Variants in GALNT13 observed in about 807,000 individuals in gnomAD.
GALNT13 encodes polypeptide N-acetylgalactosaminyltransferase 13.
Under a neutral mutation model 64.2 loss-of-function variants are expected in GALNT13, and 28 were observed. The ratio of observed to expected loss-of-function variants is 0.44; its 90% CI spans 0.32 to 0.60. The LOEUF is 0.60. GALNT13 is among the 20% of genes least tolerant of loss of function. The probability of loss-of-function intolerance (pLI) is 0.05; values close to 1 mark genes in which losing one functional copy is unlikely to be tolerated. For missense variants in GALNT13, 577 were observed against 669.8 expected, an observed-to-expected ratio of 0.86 and a Z score of 1.53; for synonymous variants, 214 against 224.6, an observed-to-expected ratio of 0.95 and a Z score of 0.42.
At chr2:153,500,057 A>G in the GALNT13 span, among the ~76,000 whole-genome samples, 1 of 152,222 alleles carries the variant, frequency 6.6e-6, no homozygotes, top group Admixed American at 6.5e-5. Flanking sequence ...TGGCTGCTCC[A>G]GATGGGCTGC....
chr2:153,879,368 GT>G (rs1686616729), intron 1 of GALNT13, among the ~76,000 whole-genome samples: 1 of 151,730 alleles, frequency 6.6e-6, no homozygotes, highest in Admixed American at 6.6e-5. Flanking sequence ...GTGTGTGTGT[GT>G]GTGTGTGTGT....
the GALNT13 span, among the ~76,000 whole-genome samples, chr2:153,273,158 T>C: frequency 6.6e-6 from 1 of 152,106 alleles, no homozygotes; most frequent in African/African-American, 2.4e-5. Flanking sequence ...GGGATAGCAT[T>C]AGTAGAAATA....
chr2:153,244,670 A>G, the GALNT13 span, among the ~76,000 whole-genome samples: 4 of 152,334 alleles, frequency 2.6e-5, no homozygotes, highest in Non-Finnish European at 5.9e-5. Flanking sequence ...ACTGGGTACA[A>G]AAAATACCTT....
intron 3 of GALNT13, among the ~76,000 whole-genome samples, chr2:154,090,608 G>T (rs1224553839): frequency 2.6e-5 from 4 of 151,898 alleles, no homozygotes; most frequent in Non-Finnish European, 5.9e-5. Flanking sequence ...TTCTACCACA[G>T]TCTCAGGAAC....
the GALNT13 span, among the ~76,000 whole-genome samples, chr2:153,228,919 C>G: frequency 1.3e-5 from 2 of 148,844 alleles, no homozygotes; most frequent in Admixed American, 1.3e-4. Flanking sequence ...TAATTGATTA[C>G]CTTGTATCCA....
chr2:153,163,396 C>T, the GALNT13 span, among the ~76,000 whole-genome samples: 2 of 152,200 alleles, frequency 1.3e-5, no homozygotes, highest in East Asian at 1.9e-4. Flanking sequence ...TTCAGGACTG[C>T]GTTATACTTT....
At chr2:153,745,496 G>C in the GALNT13 span, among the ~76,000 whole-genome samples, 1 of 151,990 alleles carries the variant, frequency 6.6e-6, no homozygotes. Flanking sequence ...GGTTCCTTTT[G>C]AGGTTTTTTC....
rs111487876 is a variant in GALNT13 at position 154,249,531 on chromosome 2, C to T, written c.857+3549C>T. Reference sequence around the variant, plus strand: ...AAATAATTATGAAGATATTCATTTCCACTTTAATTTCACACTGATTAAAAT... The same window carrying T: ...AAATAATTATGAAGATATTCATTTCTACTTTAATTTCACACTGATTAAAAT... On this transcript the variant is annotated intron_variant, in intron 7 of 12. Transcript: ENST00000392825. Among the ~76,000 whole-genome samples, 510 of 152,226 alleles carry T rather than the reference C, an allele frequency of 3.4e-3. 1 individual carries two copies. The highest frequency in any genetic ancestry group is 5.6e-3 in the Non-Finnish European group (381 of 68,004).
chr2:153,330,755 C>T, the GALNT13 span, among the ~76,000 whole-genome samples: 3 of 152,122 alleles, frequency 2.0e-5, no homozygotes, highest in Admixed American at 6.5e-5. Context: ...ATTTCCCATT[C>T]GTATGCCTTT....
At chr2:153,856,726 A>T in the GALNT13 span, among the ~76,000 whole-genome samples, 1 of 152,116 alleles carries the variant, frequency 6.6e-6, no homozygotes. Flanking sequence ...TTTCTAATGA[A>T]GTTGATTTAT....
the GALNT13 span, among the ~76,000 whole-genome samples, chr2:153,202,186 T>C: frequency 1.3e-5 from 2 of 151,744 alleles, no homozygotes; most frequent in Admixed American, 1.3e-4. Context: ...GGGTTTCACC[T>C]TGTTAGCCAG....
the GALNT13 span, among the ~76,000 whole-genome samples, chr2:153,400,880 C>A: frequency 6.6e-6 from 1 of 152,012 alleles, no homozygotes; most frequent in African/African-American, 2.4e-5. Context: ...AAACCAGCTC[C>A]TGGATTCATT....
At chr2:154,121,247 T>G (rs1456735017) in intron 3 of GALNT13, among the ~76,000 whole-genome samples, 2 of 152,220 alleles carry the variant, frequency 1.3e-5, no homozygotes, top group Admixed American at 1.3e-4. Flanking sequence ...TGTGGAAAGT[T>G]GCTAGGTGAA....
chr2:153,878,274 A>G (rs1184105948), intron 1 of GALNT13, among the ~76,000 whole-genome samples: 1 of 152,102 alleles, frequency 6.6e-6, no homozygotes, highest in African/African-American at 2.4e-5. Context: ...TCCACATTGT[A>G]CTCATTTTCC....
At chr2:153,235,057 G>C in the GALNT13 span, among the ~76,000 whole-genome samples, 1 of 152,066 alleles carries the variant, frequency 6.6e-6, no homozygotes, top group South Asian at 2.1e-4. Context: ...ATTGCTTGGA[G>C]CACCATGAGC....
intron 11 of GALNT13, among the ~76,000 whole-genome samples, chr2:154,434,907 T>C (rs2105458240): frequency 6.6e-6 from 1 of 152,348 alleles, no homozygotes; most frequent in Admixed American, 6.5e-5. Context: ...ATTTATTTAA[T>C]GTAATATATA....
At chr2:153,938,036 G>A (rs890286463) in intron 2 of GALNT13, among the ~76,000 whole-genome samples, 3 of 152,074 alleles carry the variant, frequency 2.0e-5, no homozygotes, top group African/African-American at 7.2e-5. Flanking sequence ...AGAGGTGTAT[G>A]GTGAAATTAC....
At chr2:154,360,248 TATC>T (rs1285298169) in intron 9 of GALNT13, among the ~76,000 whole-genome samples, 10 of 152,294 alleles carry the variant, frequency 6.6e-5, no homozygotes, top group Admixed American at 5.9e-4. Context: ...GTTAAAGAAA[TATC>T]ATTAACATTT....
chr2:154,409,052 ATT>A lies in GALNT13; in HGVS notation c.1366_1367del (p.Phe456GlnfsTer16). 2 of 1,610,380 alleles carry A rather than the reference ATT, an allele frequency of 1.2e-6. No individual in the cohort carries two copies. Among genetic ancestry groups the A allele is most frequent in the Middle Eastern group, 1.7e-4 (1 of 6,052 alleles). On this transcript the variant is annotated frameshift_variant, in exon 11 of 13. Transcript: ENST00000392825. LOFTEE classifies it high-confidence loss of function. The stretch of plus-strand genomic sequence containing the variant: ...GCAAGGAAAATGAAAAAGTGGGTAT[ATT>A]CAACTGTCATGGTATGGGAGGAAAT... ...GRKENEKVGIFNCHGMGGNQV... is the reference protein window; with the variant it reads ...GRKENEKVGIXNCHGMGGNQV...
Sources: gnomAD v4.1 joint callset for allele counts (sites outside exome capture counted in the v4.1 genomes callset) on GRCh38, gnomAD v4.1.1 for gene constraint, MANE v1.5 for transcripts, NCBI Gene and HGNC (gene_info 2026-07-23, HGNC 2026-07-21) for gene names.